Variants in KCNMB2 observed in about 807,000 individuals in gnomAD.
KCNMB2 encodes potassium calcium-activated channel subfamily M regulatory beta subunit 2, also known as calcium-activated potassium channel subunit beta-2.
In KCNMB2, 9 loss-of-function variants were observed where a neutral mutation model predicts 24.5. That is an observed-to-expected ratio of 0.37 (90% CI 0.22 to 0.64). The LOEUF is 0.64. Among genes scored for constraint, KCNMB2 ranks in the 30% least tolerant of loss-of-function variants. The probability of loss-of-function intolerance (pLI) is 0.63; values close to 1 mark genes in which losing one functional copy is unlikely to be tolerated. For missense variants in KCNMB2, 226 were observed against 284.3 expected (o/e 0.79, Z 1.47); for synonymous variants, 109 against 104.4 (o/e 1.04, Z -0.27).
chr3:178,700,812 A>G (rs1258006947), intron 1 of KCNMB2, among the ~76,000 whole-genome samples: 1 of 132,194 alleles, frequency 7.6e-6, no homozygotes, highest in Non-Finnish European at 1.6e-5. Flanking sequence ...GCTTTAAACT[A>G]CTCTTCAAAC....
At chr3:178,799,023 C>T (rs1713670138) in intron 1 of KCNMB2, among the ~76,000 whole-genome samples, 1 of 150,946 alleles carries the variant, frequency 6.6e-6, no homozygotes, top group South Asian at 2.1e-4. Flanking sequence ...ATAGAAGGAA[C>T]ATATCTCAAC....
intron 1 of KCNMB2, among the ~76,000 whole-genome samples, chr3:178,749,455 T>C (rs1723771203): frequency 6.6e-6 from 1 of 152,206 alleles, no homozygotes; most frequent in Admixed American, 6.5e-5. Flanking sequence ...CAAAAGCTGG[T>C]TACACCTTTC....
At chr3:178,756,731 T>C (rs954191903) in intron 1 of KCNMB2, among the ~76,000 whole-genome samples, 36 of 152,118 alleles carry the variant, frequency 2.4e-4, no homozygotes, top group Admixed American at 2.2e-3. Context: ...CAGAGCAACC[T>C]CACCTACAGG....
intron 1 of KCNMB2, among the ~76,000 whole-genome samples, chr3:178,608,251 T>C (rs999180329): frequency 2.0e-5 from 3 of 152,200 alleles, no homozygotes; most frequent in Non-Finnish European, 4.4e-5. Context: ...ATTTTATAAT[T>C]TTACCCATAG....
intron 1 of KCNMB2, among the ~76,000 whole-genome samples, chr3:178,579,114 A>G (rs1717104093): frequency 6.6e-6 from 1 of 152,198 alleles, no homozygotes; most frequent in South Asian, 2.1e-4. Flanking sequence ...AATTGACCAC[A>G]TAATTGGAAG....
chr3:178,698,985 G>T lies in KCNMB2; in HGVS notation c.-67-108358G>T, dbSNP rs61344041. ...CTCTTCAAGGTTTGGAGTCCACTGT[G>T]CTGGGAGGGCCAAGGTGCAGCAGCT... is the stretch of plus-strand genomic sequence containing the variant. On this transcript the variant is annotated intron_variant, in intron 1 of 4. Transcript: ENST00000452583. 1.7e-3 allele frequency among the ~76,000 whole-genome samples: 263 copies of T among 152,324 alleles called. 1 individual carries two copies. Among genetic ancestry groups the T allele is most frequent in the African/African-American group, 5.9e-3 (245 of 41,584 alleles).
intron 1 of KCNMB2, among the ~76,000 whole-genome samples, chr3:178,702,651 C>T (rs1418932408): frequency 6.6e-6 from 1 of 152,082 alleles, no homozygotes; most frequent in African/African-American, 2.4e-5. Flanking sequence ...AAATAAATTT[C>T]ATCTAATGAT....
chr3:178,575,881 T>C (rs1033393592), intron 1 of KCNMB2, among the ~76,000 whole-genome samples: 7 of 152,144 alleles, frequency 4.6e-5, no homozygotes, highest in African/African-American at 1.7e-4. Context: ...TCAAAATCTC[T>C]TCATTTCACC....
chr3:178,683,636 G>A (rs909677902), intron 1 of KCNMB2, among the ~76,000 whole-genome samples: 7 of 152,104 alleles, frequency 4.6e-5, no homozygotes, highest in African/African-American at 1.7e-4. Context: ...CATCTCAAGT[G>A]CTCAGTGGCC....
intron 1 of KCNMB2, among the ~76,000 whole-genome samples, chr3:178,647,133 C>T (rs6789584): frequency 0.3 from 45,024 of 152,080 alleles, 6,783 homozygotes; most frequent in Middle Eastern, 0.39. Context: ...CTGGTTTGCA[C>T]GTCTGCTAAT....
At chr3:178,651,956 A>G (rs1001450307) in intron 1 of KCNMB2, among the ~76,000 whole-genome samples, 6 of 152,190 alleles carry the variant, frequency 3.9e-5, no homozygotes, top group Admixed American at 6.5e-5. Context: ...CAGACCTTAA[A>G]CCATAAAAAC....
rs1407944615 is a variant in KCNMB2, at chr3:178,842,561, A to G, written c.424-92A>G. The G allele has an allele frequency of 4.3e-5, 35 of 817,030 alleles. No homozygotes were observed. The Middle Eastern group carries it at 1.4e-3, about 32-fold the overall frequency. The allele number at this position is 817,030 out of a possible 1,614,324, so 50.6% of individuals were successfully genotyped here. On this transcript the variant is annotated intron_variant, in intron 4 of 4. Coordinates refer to ENST00000452583, the MANE Select transcript of KCNMB2 (RefSeq NM_181361.3). ...AGAATAACCACCATGGTTATTTCAC[A>G]GATCACTAATTTGGACACAATACTC... is the stretch of plus-strand genomic sequence containing the variant.
chr3:178,789,497 G>C (rs989707094), intron 1 of KCNMB2, among the ~76,000 whole-genome samples: 4 of 152,172 alleles, frequency 2.6e-5, no homozygotes, highest in African/African-American at 7.2e-5. Context: ...CAAGGAAAGC[G>C]CATTGAAAAG....
chr3:178,759,602 A>AGAGGATATATATATCTCTCTCCAC, intron 1 of KCNMB2, among the ~76,000 whole-genome samples: 1 of 109,190 alleles, frequency 9.2e-6, no homozygotes, highest in South Asian at 2.9e-4. Context: ...TCTCTCTCCA[A>AGAGGATATATATATCTCTCTCCAC]GAGGATATAT....
intron 1 of KCNMB2, among the ~76,000 whole-genome samples, chr3:178,665,289 C>T (rs1019881497): frequency 6.6e-6 from 1 of 152,106 alleles, no homozygotes; most frequent in African/African-American, 2.4e-5. Context: ...GGTTCATGTG[C>T]TATCTGTAAT....
intron 1 of KCNMB2, among the ~76,000 whole-genome samples, chr3:178,539,730 T>A (rs961606676): frequency 3.3e-5 from 5 of 151,546 alleles, no homozygotes; most frequent in African/African-American, 9.7e-5. Context: ...AGAGAGAGAG[T>A]GTGTGTGTGC....
Position 178,797,099 on chromosome 3 carries a change from T to C in KCNMB2, c.-67-10244T>C, listed in dbSNP as rs141028043. Among the ~76,000 whole-genome samples the C allele has an allele frequency of 1.8e-4, 28 of 152,250 alleles. No homozygotes were observed. In the East Asian group the frequency reaches 5.4e-3, roughly 29 times the overall value. ...AATTCAAAGGATCATTAGAGACTAC[T>C]ACGAGCAACTATATGGCAATAAATT... On this transcript the variant is annotated intron_variant, in intron 1 of 4. Transcript: ENST00000452583.
chr3:178,815,771 C>T (rs1450803970), intron 2 of KCNMB2, among the ~76,000 whole-genome samples: 2 of 151,884 alleles, frequency 1.3e-5, no homozygotes, highest in African/African-American at 2.4e-5. Context: ...TGTTTATCTA[C>T]ATTTATTACA....
At chr3:178,685,638 G>A (rs1361911746) in intron 1 of KCNMB2, among the ~76,000 whole-genome samples, 2 of 152,034 alleles carry the variant, frequency 1.3e-5, no homozygotes, top group Non-Finnish European at 2.9e-5. Context: ...TGCCTTGAAG[G>A]GCTATGCACG....
Sources: allele counts gnomAD v4.1 joint callset (sites outside exome capture counted in the v4.1 genomes callset), GRCh38; gene constraint gnomAD v4.1.1; transcripts MANE v1.5; gene names NCBI Gene and HGNC (gene_info 2026-07-23, HGNC 2026-07-21).